The following RUNX1T1 variants were observed in gnomAD, a reference collection of about 807,000 sequenced individuals.
RUNX1T1 encodes RUNX1 partner transcriptional co-repressor 1, also known as protein CBFA2T1.
In RUNX1T1, 4 loss-of-function variants were observed where a neutral mutation model predicts 62.8. The ratio of observed to expected loss-of-function variants is 0.06; its 90% CI spans 0.03 to 0.15. The LOEUF is 0.15. RUNX1T1 is among the 10% of genes least tolerant of loss of function. RUNX1T1 has a pLI of 1.00. For synonymous variants in RUNX1T1, 291 were observed against 286.0 expected, an observed-to-expected ratio of 1.02 and a Z score of -0.18; for missense variants, 508 against 754.3, an observed-to-expected ratio of 0.67 and a Z score of 3.82.
At chr8:92,079,037 A>T (rs1322846530) in intron 1 of RUNX1T1, among the ~76,000 whole-genome samples, 1 of 152,196 alleles carries the variant, frequency 6.6e-6, no homozygotes, top group Non-Finnish European at 1.5e-5. Context: ...GTTCCCCATT[A>T]CTGTATTTCT....
At chr8:92,003,650 T>C (rs1184391248) in intron 5 of RUNX1T1, among the ~76,000 whole-genome samples, 4 of 152,226 alleles carry the variant, frequency 2.6e-5, no homozygotes, top group Non-Finnish European at 5.9e-5. Context: ...TATGTCATAC[T>C]CATTTTCTGC....
chr8:92,082,624 T>C (rs552830776), intron 1 of RUNX1T1, among the ~76,000 whole-genome samples: 2 of 152,204 alleles, frequency 1.3e-5, no homozygotes, highest in African/African-American at 2.4e-5. Flanking sequence ...AATAAAAAGG[T>C]TTCCTGAAGA....
chr8:92,057,195 A>G (rs974417884), intron 1 of RUNX1T1, among the ~76,000 whole-genome samples: 2 of 152,170 alleles, frequency 1.3e-5, no homozygotes, highest in Non-Finnish European at 2.9e-5. Flanking sequence ...CAGCAAAAAG[A>G]ACTCTACCTT....
intron 2 of RUNX1T1, among the ~76,000 whole-genome samples, chr8:92,015,712 C>T (rs1822856330): frequency 6.6e-6 from 1 of 152,096 alleles, no homozygotes; most frequent in Non-Finnish European, 1.5e-5. Flanking sequence ...ATAAGCAGAC[C>T]TTTATCAAAC....
intron 1 of RUNX1T1, among the ~76,000 whole-genome samples, chr8:92,034,779 C>CAT (rs199626340): frequency 1.0e-4 from 13 of 126,032 alleles, no homozygotes; most frequent in East Asian, 2.1e-4. Flanking sequence ...TATATATACA[C>CAT]ATATATATAT....
chr8:92,102,925 C>G, upstream of RUNX1T1: 1 of 1,509,494 alleles, frequency 6.6e-7, no homozygotes, highest in South Asian at 1.2e-5. The surrounding 1 kb of genome is among the most constrained non-coding windows in gnomAD (Gnocchi z 4.5). Flanking sequence ...TTCCCGTCGT[C>G]TCGGCCGGCC....
In RUNX1T1 at chr8:91,982,267, C is replaced by G. The variant is rs547319234; in HGVS notation, c.1198+3857G>C. Reference sequence around the variant, plus strand: ...AAAAAAAAAAAAAAATTAACCCTAACGATGTGGAAGACTTCTAGAAAACAA... The same window carrying G: ...AAAAAAAAAAAAAAATTAACCCTAAGGATGTGGAAGACTTCTAGAAAACAA... On this transcript the variant is annotated intron_variant, in intron 8 of 10. Coordinates refer to ENST00000396218, the Ensembl canonical transcript of RUNX1T1. Among the ~76,000 whole-genome samples the G allele has an allele frequency of 2.0e-4, 30 of 147,552 alleles. No individual in the cohort carries two copies. The East Asian group carries it at 5.7e-3, about 28-fold the overall frequency.
chr8:91,969,480 G>C (rs192249496), intron 10 of RUNX1T1, among the ~76,000 whole-genome samples: 2 of 103,630 alleles, frequency 1.9e-5, no homozygotes, highest in Admixed American at 2.3e-4. Context: ...TGCTAATAAT[G>C]TTTTTAAAAT....
At chr8:91,955,445 G>A (rs1809214339), downstream of RUNX1T1, 1 of 227,124 alleles carries the variant, frequency 4.4e-6, no homozygotes, top group East Asian at 6.3e-5. Context: ...TGTCCAAAGT[G>A]TGGGAGTGAG....
intron 10 of RUNX1T1, among the ~76,000 whole-genome samples, chr8:91,963,444 G>A (rs916759672): frequency 6.6e-6 from 1 of 151,926 alleles, no homozygotes; most frequent in Non-Finnish European, 1.5e-5. Context: ...GCTCCAATGC[G>A]CATATTCATT....
chr8:91,986,466 C>T, intron 7 of RUNX1T1, 141 bp from the exon 9 acceptor site: 3 of 657,088 alleles, frequency 4.6e-6, no homozygotes, highest in Non-Finnish European at 7.9e-6. Flanking sequence ...TTTTCTATGA[C>T]TAGATTTGAA....
chr8:92,037,415 T>C (rs1223474198), intron 1 of RUNX1T1, among the ~76,000 whole-genome samples: 1 of 152,200 alleles, frequency 6.6e-6, no homozygotes, highest in Non-Finnish European at 1.5e-5. Context: ...CGGTGACTCA[T>C]GCCTGTAATC....
At chr8:92,045,221 A>T (rs1041418911) in intron 1 of RUNX1T1, among the ~76,000 whole-genome samples, 7 of 152,210 alleles carry the variant, frequency 4.6e-5, no homozygotes, top group Non-Finnish European at 1.5e-5. Flanking sequence ...ATATAATTGC[A>T]ATGGAATTTC....
chr8:92,052,013 C>A (rs990084016), intron 1 of RUNX1T1, among the ~76,000 whole-genome samples: 7 of 152,146 alleles, frequency 4.6e-5, no homozygotes, highest in African/African-American at 1.7e-4. Context: ...TGCCAGGAAT[C>A]ATTTCAATCT....
chr8:91,976,125 A>C (rs1813885766), intron 8 of RUNX1T1, 152 bp from the exon 10 acceptor site: 1 of 579,522 alleles, frequency 1.7e-6, no homozygotes, highest in African/African-American at 1.9e-5. Context: ...CTTCTTGAAA[A>C]CACATAAAAA....
chr8:92,086,603 G>C (rs1836157707), intron 1 of RUNX1T1, among the ~76,000 whole-genome samples: 1 of 152,152 alleles, frequency 6.6e-6, no homozygotes, highest in Non-Finnish European at 1.5e-5. Flanking sequence ...ACCGAGGTCT[G>C]CAAATGGATT....
In RUNX1T1 at chr8:92,074,668, A is replaced by C. The variant is rs1036548533; in HGVS notation, c.88+1297T>G. 1.1e-4 allele frequency among the ~76,000 whole-genome samples: 16 copies of C among 152,336 alleles called. No homozygotes were observed. In the East Asian group the frequency reaches 2.5e-3, roughly 24 times the overall value. On this transcript the variant is annotated intron_variant, in intron 2 of 11. Coordinates refer to the RUNX1T1 transcript ENST00000265814. Reference sequence around the variant, plus strand: ...CTCTATGCAAGACTTTAGCAGGCTAATCAACCAAGATCTGAGTTCTCAAAA... The same window carrying C: ...CTCTATGCAAGACTTTAGCAGGCTACTCAACCAAGATCTGAGTTCTCAAAA...
intron 1 of RUNX1T1, among the ~76,000 whole-genome samples, chr8:92,033,809 A>T (rs1047119750): frequency 2.6e-5 from 4 of 152,064 alleles, no homozygotes; most frequent in Admixed American, 2.6e-4. Context: ...GTCTCCACTA[A>T]AAATACAAAA....
At chr8:92,033,151 T>C (rs1018260374) in intron 1 of RUNX1T1, among the ~76,000 whole-genome samples, 1 of 152,084 alleles carries the variant, frequency 6.6e-6, no homozygotes, top group Non-Finnish European at 1.5e-5. Context: ...ATAAATAATA[T>C]CAAGTATACA....
Sources: gnomAD v4.1 joint callset for allele counts (sites outside exome capture counted in the v4.1 genomes callset) on GRCh38, gnomAD v4.1.1 for gene constraint, Gnocchi (gnomAD v3.1) non-coding constraint, MANE v1.5 for transcripts, NCBI Gene and HGNC (gene_info 2026-07-23, HGNC 2026-07-21) for gene names.